Variants in TMEM161B observed in about 807,000 individuals in gnomAD.
TMEM161B encodes transmembrane protein 161B.
In TMEM161B, 34 loss-of-function variants were observed where a neutral mutation model predicts 61.8. The observed-to-expected ratio is 0.55, with a 90% CI of 0.42 to 0.73. TMEM161B has a LOEUF of 0.73. TMEM161B is among the 30% of genes least tolerant of loss of function. The pLI is 0.00. For synonymous variants in TMEM161B, 167 were observed against 192.8 expected (o/e 0.87, Z 1.11); for missense variants, 456 against 558.5 (o/e 0.82, Z 1.85).
downstream of TMEM161B, among the ~76,000 whole-genome samples, chr5:88,191,634 T>C (rs1748865360): frequency 6.6e-6 from 1 of 152,100 alleles, no homozygotes; most frequent in Non-Finnish European, 1.5e-5. Flanking sequence ...GTTTTTCTCA[T>C]AACACAGAGA....
At chr5:88,232,970 T>C (rs1172165860) in intron 2 of TMEM161B, among the ~76,000 whole-genome samples, 1 of 152,242 alleles carries the variant, frequency 6.6e-6, no homozygotes, top group African/African-American at 2.4e-5. Context: ...ACATTTCCTA[T>C]GGGATAACTC....
At chr5:88,232,707 A>G (rs1422834989) in intron 2 of TMEM161B, among the ~76,000 whole-genome samples, 1 of 151,876 alleles carries the variant, frequency 6.6e-6, no homozygotes, top group African/African-American at 2.4e-5. Flanking sequence ...CCGAGTACCT[A>G]GGACTACTAG....
intron 1 of TMEM161B, among the ~76,000 whole-genome samples, chr5:88,258,540 A>T (rs1007634809): frequency 6.6e-6 from 1 of 152,186 alleles, no homozygotes; most frequent in African/African-American, 2.4e-5. Context: ...CGAATGCAGA[A>T]ACAAATGGTT....
intron 1 of TMEM161B, among the ~76,000 whole-genome samples, chr5:88,261,921 C>T (rs1280056074): frequency 1.3e-5 from 2 of 152,034 alleles, no homozygotes; most frequent in Non-Finnish European, 2.9e-5. Flanking sequence ...AAAGAAAGAG[C>T]TGATAAGCTG....
intron 5 of TMEM161B, among the ~76,000 whole-genome samples, chr5:88,220,069 A>T (rs1288776646): frequency 6.6e-6 from 1 of 152,152 alleles, no homozygotes; most frequent in African/African-American, 2.4e-5. Flanking sequence ...TTCCACAATT[A>T]TAAAAATAAA....
At chr5:88,210,736 C>T (rs941345157) in intron 5 of TMEM161B, among the ~76,000 whole-genome samples, 2 of 152,074 alleles carry the variant, frequency 1.3e-5, no homozygotes, top group South Asian at 2.1e-4. Flanking sequence ...AAGGAAAAGA[C>T]CAATAAACAA....
chr5:88,209,492 T>C (rs1472622268), intron 5 of TMEM161B, among the ~76,000 whole-genome samples: 1 of 152,100 alleles, frequency 6.6e-6, no homozygotes. Flanking sequence ...CCTAGAATAA[T>C]GAAATTACAA....
At chr5:88,218,582 A>C (rs80212310) in intron 5 of TMEM161B, among the ~76,000 whole-genome samples, 1,641 of 152,288 alleles carry the variant, frequency 0.011, 18 homozygotes, top group Non-Finnish European at 0.018. Context: ...CCAGGAGTTG[A>C]CACCAGCCTG....
chr5:88,211,768 CAAA>C (rs61376905), intron 5 of TMEM161B, among the ~76,000 whole-genome samples: 20 of 116,550 alleles, frequency 1.7e-4, no homozygotes, highest in East Asian at 2.5e-4. Flanking sequence ...GAACTCCATC[CAAA>C]AAAAAAAAAA....
rs547631160 is a variant in TMEM161B, at chr5:88,263,739, G to A, written c.3+4982C>T. Among the ~76,000 whole-genome samples, 28 of 152,110 alleles carry A rather than the reference G, an allele frequency of 1.8e-4. No homozygotes were observed. The East Asian group carries it at 3.1e-3, about 17-fold the overall frequency. Reference sequence around the variant, plus strand: ...TTAATGCACTTTAAGCTTTTGTTGCGGAGAAAACAAAAGAACCAATTTTTT... The same window carrying A: ...TTAATGCACTTTAAGCTTTTGTTGCAGAGAAAACAAAAGAACCAATTTTTT... On this transcript the variant is annotated intron_variant, in intron 1 of 11. Coordinates refer to ENST00000296595, the MANE Select transcript of TMEM161B (RefSeq NM_153354.5).
intron 1 of TMEM161B, among the ~76,000 whole-genome samples, chr5:88,267,839 G>T (rs1433972625): frequency 6.6e-6 from 1 of 152,048 alleles, no homozygotes; most frequent in Non-Finnish European, 1.5e-5. Flanking sequence ...CTGTCCCACA[G>T]ATCAATCGGA....
intron 1 of TMEM161B, among the ~76,000 whole-genome samples, chr5:88,247,443 T>C (rs763242321): frequency 1.3e-5 from 2 of 152,082 alleles, no homozygotes; most frequent in African/African-American, 2.4e-5. Flanking sequence ...TCTGCATATA[T>C]ACTTGGGACT....
In TMEM161B at chr5:88,205,884, T is replaced by C; in HGVS notation, c.730A>G (p.Thr244Ala). ...TGAGCCAGTCGTAATCCAGGAAATG[T>C]CAAAAAAGCCCCAATGAATGAACAG... Reference protein sequence around the residue: ...IFCSFIGAFLTFPGLRLAQMH... With the variant: ...IFCSFIGAFLAFPGLRLAQMH... The change falls in exon 8 of 12, where the codon ACA becomes GCA. Residue 244 changes from threonine to alanine, a missense_variant. Transcript: ENST00000296595. The C allele has an allele frequency of 1.2e-6, 2 of 1,612,874 alleles. No individual in the cohort carries two copies. Among genetic ancestry groups the C allele is most frequent in the Non-Finnish European group, 8.5e-7 (1 of 1,179,360 alleles).
intron 5 of TMEM161B, among the ~76,000 whole-genome samples, chr5:88,208,940 T>G (rs958244531): frequency 2.6e-5 from 4 of 152,176 alleles, no homozygotes; most frequent in Admixed American, 2.6e-4. Context: ...TCCTTTCATA[T>G]ATATCTCACA....
chr5:88,190,589 ACT>A (rs1421538639), downstream of TMEM161B, among the ~76,000 whole-genome samples: 12 of 152,024 alleles, frequency 7.9e-5, no homozygotes, highest in African/African-American at 2.9e-4. Context: ...GCTTTTGGAG[ACT>A]CTGAGTCAGT....
downstream of TMEM161B, among the ~76,000 whole-genome samples, chr5:88,189,476 T>C (rs1748574141): frequency 6.6e-6 from 1 of 152,134 alleles, no homozygotes; most frequent in African/African-American, 2.4e-5. Context: ...CAGGCTGGGA[T>C]TCCCTCTACC....
At chr5:88,218,195 C>T (rs932701261) in intron 5 of TMEM161B, among the ~76,000 whole-genome samples, 1 of 151,742 alleles carries the variant, frequency 6.6e-6, no homozygotes, top group Non-Finnish European at 1.5e-5. Context: ...TTGAGGAGAT[C>T]GAATATCTGA....
chr5:88,260,099 G>T (rs542495929), intron 1 of TMEM161B, among the ~76,000 whole-genome samples: 1 of 152,274 alleles, frequency 6.6e-6, no homozygotes, highest in South Asian at 2.1e-4. Flanking sequence ...AATATAAGTG[G>T]AATGTAGAAT....
downstream of TMEM161B, among the ~76,000 whole-genome samples, chr5:88,187,680 T>C (rs1184475295): frequency 6.6e-6 from 1 of 152,096 alleles, no homozygotes; most frequent in Non-Finnish European, 1.5e-5. Flanking sequence ...TTAATTAGCA[T>C]TGATATGGGT....
Sources: allele counts gnomAD v4.1 joint callset (sites outside exome capture counted in the v4.1 genomes callset), GRCh38; gene constraint gnomAD v4.1.1; transcripts MANE v1.5; gene names NCBI Gene and HGNC (gene_info 2026-07-23, HGNC 2026-07-21).